The following SLC2A13 variants were observed in gnomAD, a reference collection of about 807,000 sequenced individuals.
SLC2A13 encodes solute carrier family 2 member 13.
Under a neutral mutation model 64.4 loss-of-function variants are expected in SLC2A13, and 32 were observed. That is an observed-to-expected ratio of 0.50 (90% confidence interval 0.37 to 0.67). The LOEUF (loss-of-function observed/expected upper bound fraction) is 0.67. Among genes scored for constraint, SLC2A13 ranks in the 30% least tolerant of loss-of-function variants. The pLI is 0.00. For missense variants in SLC2A13, 743 were observed against 829.2 expected, an observed-to-expected ratio of 0.90 and a Z score of 1.28; for synonymous variants, 338 against 327.1, an observed-to-expected ratio of 1.03 and a Z score of -0.36.
chr12:40,067,503 CATA>C (rs1397038987), intron 1 of SLC2A13, among the ~76,000 whole-genome samples: 3 of 143,494 alleles, frequency 2.1e-5, no homozygotes, highest in Admixed American at 1.4e-4. Flanking sequence ...ATTATTTAAA[CATA>C]ATAAACATGG....
intron 4 of SLC2A13, among the ~76,000 whole-genome samples, chr12:39,874,989 G>A (rs959898508): frequency 3.3e-5 from 5 of 152,190 alleles, no homozygotes; most frequent in South Asian, 2.1e-4. Flanking sequence ...CAAGAGCTGC[G>A]ACTTCAGCCC....
Position 39,888,796 on chromosome 12 carries a change from AATATT to A in SLC2A13, c.1035-16840_1035-16836del, listed in dbSNP as rs968367011. 3.5e-3 allele frequency among the ~76,000 whole-genome samples: 540 copies of A among 152,310 alleles called. 2 individuals are homozygous for A. The highest frequency in any genetic ancestry group is 0.012 in the African/African-American group (511 of 41,576). On this transcript the variant is annotated intron_variant, in intron 4 of 9. Coordinates refer to ENST00000280871, the MANE Select transcript of SLC2A13 (RefSeq NM_052885.4). ...TTCTCACAAGTAACCAAAATTTTATAATATTATATTAATAACTGATGCAACTTAAC... is the reference window on the plus strand; with the variant it reads ...TTCTCACAAGTAACCAAAATTTTATAATATTAATAACTGATGCAACTTAAC...
chr12:39,985,012 C>T (rs1403850860), intron 3 of SLC2A13, among the ~76,000 whole-genome samples: 1 of 152,118 alleles, frequency 6.6e-6, no homozygotes, highest in African/African-American at 2.4e-5. Flanking sequence ...ACCAAACCCA[C>T]CAGTTTGCTT....
intron 1 of SLC2A13, among the ~76,000 whole-genome samples, chr12:40,073,242 C>G (rs1443465882): frequency 1.3e-5 from 2 of 151,964 alleles, no homozygotes; most frequent in Non-Finnish European, 2.9e-5. Context: ...CACATACAAG[C>G]ACATGTACAC....
chr12:39,928,072 T>C lies in SLC2A13; in HGVS notation c.1034+23185A>G, dbSNP rs184109316. Among the ~76,000 whole-genome samples, 52 of 152,354 alleles carry C rather than the reference T, an allele frequency of 3.4e-4. No individual in the cohort carries two copies. The East Asian group carries it at 8.5e-3, about 25-fold the overall frequency. The stretch of plus-strand genomic sequence containing the variant: ...AGTCCTGATATATATTTAAGAGTTG[T>C]TACTTACATTACTTCATCGAAATCT... On this transcript the variant is annotated intron_variant, in intron 4 of 9. Transcript: ENST00000280871.
intron 6 of SLC2A13, among the ~76,000 whole-genome samples, chr12:39,862,060 G>A (rs1261636049): frequency 6.6e-6 from 1 of 152,088 alleles, no homozygotes; most frequent in Admixed American, 6.5e-5. Flanking sequence ...GCGCCAGTGT[G>A]TGTAGTTAGT....
Position 39,892,516 on chromosome 12 carries a change from A to AT in SLC2A13, c.1035-20556dup, listed in dbSNP as rs1057233881. 6.8e-4 allele frequency among the ~76,000 whole-genome samples: 104 copies of AT among 151,956 alleles called. 1 individual carries two copies. The highest frequency in any genetic ancestry group is 1.8e-3 in the African/African-American group (76 of 41,408). On this transcript the variant is annotated intron_variant, in intron 4 of 9. Coordinates refer to ENST00000280871, the MANE Select transcript of SLC2A13 (RefSeq NM_052885.4). ...CGCTTAACCGAACTTTAGTCAAAAG[A>AT]TTTTTTTTTAAACTACTGTAATCTT...
intron 4 of SLC2A13, among the ~76,000 whole-genome samples, chr12:39,883,006 T>C (rs1046649409): frequency 6.6e-6 from 1 of 152,184 alleles, no homozygotes; most frequent in Admixed American, 6.6e-5. Context: ...AGTGTTTATT[T>C]ACATGAATGA....
In SLC2A13 at chr12:39,864,782, G is replaced by T. The variant is rs767124315; in HGVS notation, c.1299C>A (p.Asn433Lys). The change falls in exon 6 of 10, where the codon AAC becomes AAA. Residue 433 changes from asparagine to lysine, a missense_variant. Around this residue, in one of 2 missense-constraint regions of SLC2A13, gnomAD observed 295 missense variants for 381.7 expected, o/e 0.77. Coordinates refer to ENST00000280871, the MANE Select transcript of SLC2A13 (RefSeq NM_052885.4). ...CTCACCTGTATCTTGTGCAAGTGGC[G>T]TTCTGACCTGACGGAGCTATTGGCT... ...TFKPIAPSGQ[N>K]ATCTRYSYCN... is the part of the protein sequence containing the mutation. The T allele has an allele frequency of 1.2e-6, 2 of 1,613,954 alleles. No homozygotes were observed. The highest frequency in any genetic ancestry group is 2.2e-5 in the South Asian group (2 of 91,074).
chr12:40,003,861 C>T (rs1011108058), intron 3 of SLC2A13, among the ~76,000 whole-genome samples: 17 of 151,728 alleles, frequency 1.1e-4, no homozygotes, highest in Non-Finnish European at 1.9e-4. Context: ...GGCGTGGTGA[C>T]GGGCGCCGGT....
chr12:40,081,166 G>C (rs1938384586), intron 1 of SLC2A13, among the ~76,000 whole-genome samples: 1 of 152,132 alleles, frequency 6.6e-6, no homozygotes, highest in Admixed American at 6.5e-5. Flanking sequence ...TGGAGAATCT[G>C]ATGACTATCT....
chr12:40,016,953 C>A (rs1390273871), intron 3 of SLC2A13, among the ~76,000 whole-genome samples: 2 of 152,192 alleles, frequency 1.3e-5, no homozygotes, highest in Non-Finnish European at 2.9e-5. Flanking sequence ...CAACGAGTTT[C>A]TAAACATATA....
chr12:39,895,936 A>G (rs867346200), intron 4 of SLC2A13, among the ~76,000 whole-genome samples: 4 of 150,174 alleles, frequency 2.7e-5, no homozygotes, highest in African/African-American at 9.8e-5. Context: ...GTATATGTGT[A>G]TATATACATG....
intron 4 of SLC2A13, among the ~76,000 whole-genome samples, chr12:39,949,058 C>T (rs1436530868): frequency 6.6e-6 from 1 of 151,862 alleles, no homozygotes; most frequent in Non-Finnish European, 1.5e-5. Context: ...CATGAGAGTC[C>T]CAGATTAGTT....
chr12:39,916,243 G>A (rs1215783602), intron 4 of SLC2A13, among the ~76,000 whole-genome samples: 1 of 151,782 alleles, frequency 6.6e-6, no homozygotes, highest in Non-Finnish European at 1.5e-5. Context: ...GACATAATTA[G>A]AAAAAGACTG....
At chr12:39,997,038 T>C (rs528093517) in intron 3 of SLC2A13, among the ~76,000 whole-genome samples, 1 of 152,132 alleles carries the variant, frequency 6.6e-6, no homozygotes, top group African/African-American at 2.4e-5. Flanking sequence ...AAAACAATTC[T>C]AAAATTCATA....
At position 39,895,812 on chromosome 12, in the gene SLC2A13, G is replaced by GCA. The variant is rs1565526495; in HGVS notation, c.1035-23852_1035-23851insTG. On this transcript the variant is annotated intron_variant, in intron 4 of 9. Coordinates refer to ENST00000280871, the MANE Select transcript of SLC2A13 (RefSeq NM_052885.4). ...TACACACATGTATATGCGTGTATACGTACACACATGTATATGCGTGTATAT... is the reference window on the plus strand; with the variant it reads ...TACACACATGTATATGCGTGTATACGCATACACACATGTATATGCGTGTATAT... Among the ~76,000 whole-genome samples, 286 of 81,326 alleles carry GCA rather than the reference G, an allele frequency of 3.5e-3. 82 individuals are homozygous for GCA. Among genetic ancestry groups the GCA allele is most frequent in the African/African-American group, 0.016 (267 of 17,006 alleles). The allele number at this position is 81,326 out of a possible 152,430, so 53.4% of individuals were successfully genotyped here. A position where few individuals can be genotyped will look rare whatever the true frequency, so the allele number is the denominator to read the frequency against.
intron 4 of SLC2A13, among the ~76,000 whole-genome samples, chr12:39,874,186 A>T (rs1335048424): frequency 6.6e-6 from 1 of 152,178 alleles, no homozygotes; most frequent in Non-Finnish European, 1.5e-5. Flanking sequence ...CTTGTCATAG[A>T]GGTTTGCCAG....
chr12:39,895,369 A>T (rs1199858419), intron 4 of SLC2A13, among the ~76,000 whole-genome samples: 2 of 151,026 alleles, frequency 1.3e-5, no homozygotes, highest in Non-Finnish European at 3.0e-5. Context: ...AGGCACCTGT[A>T]GTCCCAGCTA....
Sources: gnomAD v4.1 joint callset for allele counts (sites outside exome capture counted in the v4.1 genomes callset) on GRCh38, gnomAD v4.1.1 for gene constraint, gnomAD v4.1.1 regional missense constraint, MANE v1.5 for transcripts, NCBI Gene and HGNC (gene_info 2026-07-23, HGNC 2026-07-21) for gene names.